CNTN5: variants seen among roughly 807,000 people sequenced by gnomAD.
The protein encoded by CNTN5 is contactin-5.
CNTN5 carries 77 observed loss-of-function variants against 129.1 expected under a neutral mutation model. That is an observed-to-expected ratio of 0.60 (90% CI 0.50 to 0.72). CNTN5 has a LOEUF of 0.72. Among genes scored for constraint, CNTN5 ranks in the 30% least tolerant of loss-of-function variants. The pLI is 0.00. For synonymous variants in CNTN5, 509 were observed against 465.6 expected (o/e 1.09, Z -1.20); for missense variants, 1,478 against 1,328.8 (o/e 1.11, Z -1.75).
At chr11:100,188,043 A>G (rs889970791) in intron 13 of CNTN5, among the ~76,000 whole-genome samples, 1 of 152,216 alleles carries the variant, frequency 6.6e-6, no homozygotes, top group Non-Finnish European at 1.5e-5. Flanking sequence ...CGCACACAAC[A>G]AAGGTCTAAT....
chr11:99,315,723 G>A (rs1865311091), intron 1 of CNTN5, among the ~76,000 whole-genome samples: 1 of 149,314 alleles, frequency 6.7e-6, no homozygotes, highest in Non-Finnish European at 1.5e-5. Flanking sequence ...AATAGACAAA[G>A]TTTTAGAATG....
chr11:99,952,078 C>G (rs909871443), intron 7 of CNTN5, among the ~76,000 whole-genome samples: 2 of 152,116 alleles, frequency 1.3e-5, no homozygotes, highest in Non-Finnish European at 2.9e-5. Flanking sequence ...TTTTCTGTTT[C>G]AATCAAGGTA....
At chr11:99,597,570 G>T (rs1801785309) in intron 3 of CNTN5, among the ~76,000 whole-genome samples, 1 of 152,026 alleles carries the variant, frequency 6.6e-6, no homozygotes, top group Admixed American at 6.6e-5. Context: ...TACTGGCTCT[G>T]ACTGTCAGGG....
intron 6 of CNTN5, among the ~76,000 whole-genome samples, chr11:99,850,796 CA>C (rs981896341): frequency 6.6e-6 from 1 of 152,070 alleles, no homozygotes; most frequent in Admixed American, 6.5e-5. Context: ...AGGAATCTAA[CA>C]GAATCTATTT....
In CNTN5 at chr11:100,062,078, T is replaced by C. The variant is rs550922755; in HGVS notation, c.1162+685T>C. 4.6e-5 allele frequency among the ~76,000 whole-genome samples: 7 copies of C among 152,340 alleles called. No homozygotes were observed. The East Asian group carries it at 9.6e-4, about 21-fold the overall frequency. On this transcript the variant is annotated intron_variant, in intron 10 of 24. Coordinates refer to ENST00000524871, the MANE Select transcript of CNTN5 (RefSeq NM_014361.4). ...AAGTTTTTACAATCTCATCTTTACT[T>C]CTAAAGTTCAAAGTTGTTTGTACTT...
At chr11:99,738,031 A>G (rs979090746) in intron 3 of CNTN5, among the ~76,000 whole-genome samples, 2 of 152,242 alleles carry the variant, frequency 1.3e-5, no homozygotes, top group African/African-American at 4.8e-5. Context: ...GAAAACGTCT[A>G]TGCAGTATCG....
At chr11:99,681,423 C>T (rs1194084971) in intron 3 of CNTN5, among the ~76,000 whole-genome samples, 1 of 152,066 alleles carries the variant, frequency 6.6e-6, no homozygotes, top group East Asian at 1.9e-4. Flanking sequence ...CTGCGTTGTT[C>T]AGCAACCGTG....
At chr11:99,841,671 A>G (rs1196746503) in intron 4 of CNTN5, among the ~76,000 whole-genome samples, 4 of 151,440 alleles carry the variant, frequency 2.6e-5, no homozygotes, top group African/African-American at 7.3e-5. Flanking sequence ...GAGAATGAAG[A>G]AGGAGGAAGA....
intron 6 of CNTN5, among the ~76,000 whole-genome samples, chr11:99,910,601 A>G (rs1324952748): frequency 6.6e-6 from 1 of 152,074 alleles, no homozygotes; most frequent in Non-Finnish European, 1.5e-5. Flanking sequence ...TTTAGAATCA[A>G]TCACATTGAC....
In CNTN5 at chr11:99,254,097, A is replaced by G. The variant is rs116767241; in HGVS notation, c.-209-71249A>G. Among the ~76,000 whole-genome samples the G allele has an allele frequency of 6.5e-3, 988 of 151,880 alleles. 11 individuals are homozygous for G. The highest frequency in any genetic ancestry group is 0.022 in the African/African-American group (925 of 41,472). ...ACACACAGTGGCATTCTAAGTTTCA[A>G]ATAATGGTTACCAATGGTAATATTA... On this transcript the variant is annotated intron_variant, in intron 1 of 24. Transcript: ENST00000524871.
chr11:99,582,640 C>G (rs1949648855), intron 3 of CNTN5, among the ~76,000 whole-genome samples: 1 of 152,186 alleles, frequency 6.6e-6, no homozygotes, highest in Admixed American at 6.5e-5. Flanking sequence ...CTTGTGCATT[C>G]ACACATAGTT....
At chr11:99,516,394 G>A (rs924915465) in intron 2 of CNTN5, among the ~76,000 whole-genome samples, 11 of 152,106 alleles carry the variant, frequency 7.2e-5, no homozygotes, top group African/African-American at 2.2e-4. Context: ...AAGAGAAAAC[G>A]AACTCCATAT....
At chr11:99,741,688 A>G (rs1943892347) in intron 3 of CNTN5, among the ~76,000 whole-genome samples, 6 of 152,156 alleles carry the variant, frequency 3.9e-5, no homozygotes, top group Admixed American at 3.9e-4. Context: ...GAGTTAATTT[A>G]CAGCTTAAGA....
chr11:100,138,322 C>A (rs1341408959), intron 13 of CNTN5, among the ~76,000 whole-genome samples: 3 of 151,752 alleles, frequency 2.0e-5, no homozygotes, highest in African/African-American at 7.3e-5. Context: ...TCATGGAGTA[C>A]CTACTATGTA....
intron 1 of CNTN5, among the ~76,000 whole-genome samples, chr11:99,024,696 T>C (rs1863034000): frequency 1.3e-5 from 2 of 152,058 alleles, no homozygotes; most frequent in Admixed American, 6.6e-5. Context: ...ATTCAAAGTA[T>C]GGTAGTTTCT....
intron 2 of CNTN5, among the ~76,000 whole-genome samples, chr11:99,440,802 T>C (rs375494394): frequency 6.6e-6 from 1 of 152,162 alleles, no homozygotes; most frequent in Non-Finnish European, 1.5e-5. Context: ...GAAGTCATAT[T>C]CTGTTGGTGA....
chr11:100,040,866 GC>G (rs1394970640), intron 9 of CNTN5, among the ~76,000 whole-genome samples: 1 of 152,160 alleles, frequency 6.6e-6, no homozygotes, highest in African/African-American at 2.4e-5. Flanking sequence ...TTTTCCAGGT[GC>G]CGTCTGTCAC....
At chr11:99,301,020 A>G (rs1470265826) in intron 1 of CNTN5, among the ~76,000 whole-genome samples, 1 of 151,858 alleles carries the variant, frequency 6.6e-6, no homozygotes, top group Admixed American at 6.6e-5. Context: ...TATTTGGTAT[A>G]CTATTGATAT....
chr11:99,199,354 T>C (rs1177222077), intron 1 of CNTN5, among the ~76,000 whole-genome samples: 1 of 152,160 alleles, frequency 6.6e-6, no homozygotes, highest in African/African-American at 2.4e-5. Context: ...GGCCATTTAG[T>C]TTTGAAATTG....
Sources: allele counts gnomAD v4.1 joint callset (sites outside exome capture counted in the v4.1 genomes callset), GRCh38; gene constraint gnomAD v4.1.1; transcripts MANE v1.5; gene names NCBI Gene and HGNC (gene_info 2026-07-23, HGNC 2026-07-21).